The following NEGR1 variants were observed in gnomAD, a reference collection of about 807,000 sequenced individuals.
The protein encoded by NEGR1 is IgLON family member 4.
Under a neutral mutation model 40.9 loss-of-function variants are expected in NEGR1, and 10 were observed. That is an observed-to-expected ratio of 0.24 (90% CI 0.15 to 0.42). The LOEUF is 0.42. Among genes scored for constraint, NEGR1 ranks in the 10% least tolerant of loss-of-function variants. The pLI is 1.00. For synonymous variants in NEGR1, 185 were observed against 166.8 expected (o/e 1.11, Z -0.84); for missense variants, 352 against 438.9 (o/e 0.80, Z 1.77).
At chr1:72,148,196 G>A (rs1284464485) in intron 1 of NEGR1, among the ~76,000 whole-genome samples, 1 of 152,110 alleles carries the variant, frequency 6.6e-6, no homozygotes, top group Non-Finnish European at 1.5e-5. Context: ...GCAAACTTTT[G>A]CCTGGGCATC....
intron 1 of NEGR1, among the ~76,000 whole-genome samples, chr1:72,148,656 A>G (rs1012051567): frequency 2.6e-5 from 4 of 152,118 alleles, no homozygotes; most frequent in African/African-American, 9.7e-5. Flanking sequence ...CTCCTTAGAA[A>G]TTTCTTCCGC....
intron 6 of NEGR1, among the ~76,000 whole-genome samples, chr1:71,450,222 C>G (rs1253527634): frequency 6.6e-6 from 1 of 151,654 alleles, no homozygotes; most frequent in African/African-American, 2.4e-5. Flanking sequence ...AACTCCTGAC[C>G]TCTTGATCCA....
intron 3 of NEGR1, among the ~76,000 whole-genome samples, chr1:71,765,546 C>CCACAA (rs1656091906): frequency 1.3e-5 from 2 of 151,838 alleles, no homozygotes; most frequent in African/African-American, 4.8e-5. Flanking sequence ...GGATCTGAAA[C>CCACAA]CACAATTACT....
intron 1 of NEGR1, among the ~76,000 whole-genome samples, chr1:72,123,364 G>A (rs1028803301): frequency 2.6e-5 from 4 of 151,654 alleles, no homozygotes; most frequent in African/African-American, 7.3e-5. Flanking sequence ...AAAAATCCCT[G>A]TAGGAGCACA....
chr1:71,776,176 T>C lies in NEGR1; in HGVS notation c.531A>G (p.Pro177=), dbSNP rs750671791. Residue 177 remains proline, a synonymous_variant, in exon 3 of 7, where the codon CCA becomes CCG. Coordinates refer to ENST00000357731, the MANE Select transcript of NEGR1 (RefSeq NM_173808.3). ...EPSISWRHIS[P]SAKPFENGQY... is the part of the protein sequence containing the mutation. ...ACTAATGCATTCCTACTTTACCTGA[T>C]GGGGAGATGTGTCGCCAAGAAATGG... is the stretch of plus-strand genomic sequence containing the variant. 1.3e-5 allele frequency: 21 copies of C among 1,608,974 alleles called. No homozygotes were observed. Among genetic ancestry groups the C allele is most frequent in the Non-Finnish European group, 1.7e-5 (20 of 1,177,168 alleles).
intron 1 of NEGR1, among the ~76,000 whole-genome samples, chr1:71,944,399 G>A (rs1015263322): frequency 6.6e-6 from 1 of 152,114 alleles, no homozygotes; most frequent in African/African-American, 2.4e-5. Context: ...TTGGGATGGA[G>A]CCAGGTACAT....
At chr1:71,630,798 G>T (rs935701238) in intron 4 of NEGR1, among the ~76,000 whole-genome samples, 2 of 151,814 alleles carry the variant, frequency 1.3e-5, no homozygotes, top group African/African-American at 2.4e-5. Flanking sequence ...GATTCTACTG[G>T]CATTCATTTA....
chr1:71,927,990 G>A (rs1282043987), intron 2 of NEGR1, among the ~76,000 whole-genome samples: 1 of 143,086 alleles, frequency 7.0e-6, no homozygotes, highest in Non-Finnish European at 1.5e-5. Flanking sequence ...AGAGTGAGAT[G>A]CTGTCTCAGG....
intron 1 of NEGR1, among the ~76,000 whole-genome samples, chr1:72,009,400 T>C (rs904735505): frequency 6.6e-6 from 1 of 152,164 alleles, no homozygotes; most frequent in Non-Finnish European, 1.5e-5. Flanking sequence ...TATTCTAATT[T>C]TGATTTCATT....
At chr1:72,152,510 A>T (rs1018621984) in intron 1 of NEGR1, among the ~76,000 whole-genome samples, 2 of 152,022 alleles carry the variant, frequency 1.3e-5, no homozygotes, top group Non-Finnish European at 2.9e-5. Context: ...AGAAAAAGGA[A>T]TGCTTATAGA....
intron 1 of NEGR1, among the ~76,000 whole-genome samples, chr1:71,987,049 C>T (rs1201429069): frequency 6.6e-6 from 1 of 152,090 alleles, no homozygotes; most frequent in Non-Finnish European, 1.5e-5. Context: ...GTTTTCTGAG[C>T]AAGAGATTTC....
chr1:71,818,273 A>G (rs903336607), intron 2 of NEGR1, among the ~76,000 whole-genome samples: 1 of 151,998 alleles, frequency 6.6e-6, no homozygotes, highest in African/African-American at 2.4e-5. Context: ...TGCAAAGACA[A>G]GGAATCAACC....
At chr1:71,490,498 A>G (rs1646919756) in intron 6 of NEGR1, among the ~76,000 whole-genome samples, 1 of 152,036 alleles carries the variant, frequency 6.6e-6, no homozygotes, top group South Asian at 2.1e-4. Context: ...AATGTAGCAG[A>G]TATATTCTTC....
At chr1:72,060,753 G>A (rs939643814) in intron 1 of NEGR1, among the ~76,000 whole-genome samples, 17 of 151,636 alleles carry the variant, frequency 1.1e-4, no homozygotes, top group Admixed American at 3.3e-4. Context: ...AATTAACTAA[G>A]ATGGATACAT....
At chr1:71,697,827 C>G (rs1436900360) in intron 4 of NEGR1, 181 bp downstream of exon 4, 1 of 585,832 alleles carries the variant, frequency 1.7e-6, no homozygotes, top group South Asian at 2.2e-5. Flanking sequence ...TTACTTGGGA[C>G]AATTGTTGTT....
chr1:71,930,578 A>G (rs1348308923), intron 2 of NEGR1, among the ~76,000 whole-genome samples: 1 of 152,206 alleles, frequency 6.6e-6, no homozygotes, highest in Non-Finnish European at 1.5e-5. Context: ...CCGTTTTAAC[A>G]TAAAATAGAA....
At chr1:71,864,674 C>G (rs933763037) in intron 2 of NEGR1, among the ~76,000 whole-genome samples, 1 of 152,050 alleles carries the variant, frequency 6.6e-6, no homozygotes, top group Non-Finnish European at 1.5e-5. Flanking sequence ...AAGACAGGAG[C>G]TATTTCCAGG....
intron 1 of NEGR1, among the ~76,000 whole-genome samples, chr1:72,136,675 A>T (rs1650478249): frequency 6.6e-6 from 1 of 151,748 alleles, no homozygotes; most frequent in African/African-American, 2.4e-5. Flanking sequence ...AAAAAATCCA[A>T]GCACAAGATG....
intron 1 of NEGR1, among the ~76,000 whole-genome samples, chr1:72,257,419 A>G (rs1441160472): frequency 6.6e-6 from 1 of 151,540 alleles, no homozygotes; most frequent in African/African-American, 2.4e-5. Context: ...GAGTTGATTT[A>G]CACTCTTCTT....
Sources: gnomAD v4.1 joint callset for allele counts (sites outside exome capture counted in the v4.1 genomes callset) on GRCh38, gnomAD v4.1.1 for gene constraint, MANE v1.5 for transcripts, NCBI Gene and HGNC (gene_info 2026-07-23, HGNC 2026-07-21) for gene names.